PCNX2: variants seen among roughly 807,000 people sequenced by gnomAD.
PCNX2 encodes pecanex 2.
In PCNX2, 168 loss-of-function variants were observed where a neutral mutation model predicts 223.8. That is an observed-to-expected ratio of 0.75 (90% CI 0.66 to 0.85). PCNX2 has a LOEUF of 0.85. Among genes scored for constraint, PCNX2 ranks in the 40% least tolerant of loss-of-function variants. The pLI is 0.00. For synonymous variants in PCNX2, 1,006 were observed against 1,052.6 expected, an observed-to-expected ratio of 0.96 and a Z score of 0.86; for missense variants, 2,507 against 2,675.5, an observed-to-expected ratio of 0.94 and a Z score of 1.39.
chr1:233,219,066 G>C (rs1657208078), intron 10 of PCNX2, among the ~76,000 whole-genome samples: 1 of 152,062 alleles, frequency 6.6e-6, no homozygotes, highest in South Asian at 2.1e-4. Flanking sequence ...GGTGACTCTT[G>C]TATGGACTCC....
In PCNX2 at chr1:232,999,362, G is replaced by A; in HGVS notation, c.5346C>T (p.Val1782=). 1 of 1,595,914 alleles carries A rather than the reference G, an allele frequency of 6.3e-7. No homozygotes were observed. The highest frequency in any genetic ancestry group is 8.5e-7 in the Non-Finnish European group (1 of 1,171,358). The change falls in exon 31 of 34, where the codon GTC becomes GTT. Residue 1782 remains valine, a synonymous_variant. Coordinates refer to ENST00000258229, the MANE Select transcript of PCNX2 (RefSeq NM_014801.4). ...FKVIKVNKEC[V]RGLWAGQQQE... is the part of the protein sequence containing the mutation. ...GCTGCTGCCCGGCCCAAAGTCCTCGGACGCATTCTTTGTTAACCTGCAGGT... is the reference window on the plus strand; with the variant it reads ...GCTGCTGCCCGGCCCAAAGTCCTCGAACGCATTCTTTGTTAACCTGCAGGT...
At chr1:233,177,742 C>T in intron 17 of PCNX2, 60 bp downstream of exon 17, 1 of 1,423,648 alleles carries the variant, frequency 7.0e-7, no homozygotes, top group Non-Finnish European at 9.9e-7. Flanking sequence ...CATTGAGAGC[C>T]TGATCTCTGC....
intron 1 of PCNX2, among the ~76,000 whole-genome samples, chr1:233,290,284 C>T (rs1661687781): frequency 1.3e-5 from 2 of 152,070 alleles, no homozygotes; most frequent in Admixed American, 6.5e-5. Context: ...ATTTATTATG[C>T]AAGGTGAAAT....
intron 19 of PCNX2, among the ~76,000 whole-genome samples, chr1:233,141,934 C>G (rs570210990): frequency 5.9e-5 from 9 of 151,842 alleles, no homozygotes; most frequent in African/African-American, 2.2e-4. Flanking sequence ...ACAAACACTC[C>G]AACAATGAGC....
intron 32 of PCNX2, among the ~76,000 whole-genome samples, chr1:232,996,621 T>G (rs931067560): frequency 6.6e-6 from 1 of 152,188 alleles, no homozygotes; most frequent in African/African-American, 2.4e-5. Flanking sequence ...CTTTCTGTCC[T>G]CTATCAATCA....
At chr1:233,042,021 G>A (rs1314404075) in intron 25 of PCNX2, among the ~76,000 whole-genome samples, 1 of 152,158 alleles carries the variant, frequency 6.6e-6, no homozygotes, top group Non-Finnish European at 1.5e-5. Flanking sequence ...AAACATAGAT[G>A]CATTTTGTGT....
At chr1:233,279,060 C>A (rs916145704) in intron 1 of PCNX2, among the ~76,000 whole-genome samples, 1 of 152,072 alleles carries the variant, frequency 6.6e-6, no homozygotes, top group African/African-American at 2.4e-5. Flanking sequence ...CCAAAGAGCT[C>A]TAGTTTCTTT....
intron 23 of PCNX2, among the ~76,000 whole-genome samples, chr1:233,066,093 G>C (rs1462545917): frequency 1.3e-5 from 2 of 152,164 alleles, no homozygotes; most frequent in Non-Finnish European, 2.9e-5. Flanking sequence ...TGGGTAGGGG[G>C]TACCCACTTA....
intron 17 of PCNX2, among the ~76,000 whole-genome samples, chr1:233,173,827 G>T (rs1475650443): frequency 1.3e-5 from 2 of 151,708 alleles, no homozygotes; most frequent in Non-Finnish European, 2.9e-5. Flanking sequence ...TTGTGAGTTG[G>T]ATCACATTTT....
intron 15 of PCNX2, among the ~76,000 whole-genome samples, chr1:233,198,091 CCACCTA>C (rs71823234): frequency 0.07 from 10,596 of 152,178 alleles, 603 homozygotes; most frequent in East Asian, 0.31. Context: ...AGTGGTCTCC[CCACCTA>C]CACAAACCCC....
intron 1 of PCNX2, among the ~76,000 whole-genome samples, chr1:233,283,863 C>T (rs114864664): frequency 0.01 from 1,537 of 152,230 alleles, 14 homozygotes; most frequent in South Asian, 0.027. Context: ...TAAAGAGTTT[C>T]CAGGTTTCAC....
chr1:233,243,456 A>G (rs923618534), intron 8 of PCNX2, among the ~76,000 whole-genome samples: 4 of 152,218 alleles, frequency 2.6e-5, no homozygotes, highest in Admixed American at 1.3e-4. Flanking sequence ...TGTAATAGAA[A>G]ACTTAAAATC....
intron 21 of PCNX2, chr1:233,134,730 A>C (rs145931618): frequency 2.3e-5 from 11 of 478,058 alleles, no homozygotes; most frequent in African/African-American, 4.0e-5. Flanking sequence ...ATCTAGGGAA[A>C]TCTTACAATG....
At chr1:233,049,583 C>G (rs1248874559) in intron 25 of PCNX2, among the ~76,000 whole-genome samples, 1 of 152,114 alleles carries the variant, frequency 6.6e-6, no homozygotes, top group Non-Finnish European at 1.5e-5. Context: ...CACTCCTATT[C>G]AACATAGTAC....
At chr1:233,302,247 T>C in the PCNX2 span, among the ~76,000 whole-genome samples, 1 of 152,218 alleles carries the variant, frequency 6.6e-6, no homozygotes, top group Admixed American at 6.5e-5. Context: ...TCTAATTGAT[T>C]TTTTTACTTC....
At chr1:233,212,689 G>A (rs2102919048) in intron 12 of PCNX2, among the ~76,000 whole-genome samples, 1 of 152,348 alleles carries the variant, frequency 6.6e-6, no homozygotes, top group East Asian at 1.9e-4. Context: ...AGCAGTAAGA[G>A]TGGTGACCTA....
chr1:233,054,145 C>T, intron 25 of PCNX2, 123 bp downstream of exon 25: 1 of 804,140 alleles, frequency 1.2e-6, no homozygotes, highest in Non-Finnish European at 2.0e-6. Context: ...TGGTGGCAAG[C>T]TCACTTTCAG....
chr1:233,319,872 AT>A, the PCNX2 span, among the ~76,000 whole-genome samples: 1 of 152,246 alleles, frequency 6.6e-6, no homozygotes, highest in Non-Finnish European at 1.5e-5. Flanking sequence ...AACATTAATA[AT>A]TCCATTACAT....
chr1:233,164,222 A>T (rs1269028112), intron 17 of PCNX2, among the ~76,000 whole-genome samples: 1 of 152,190 alleles, frequency 6.6e-6, no homozygotes, highest in Non-Finnish European at 1.5e-5. Flanking sequence ...AATCATCAGG[A>T]AAATGCAAAT....
Sources: gnomAD v4.1 joint callset for allele counts (sites outside exome capture counted in the v4.1 genomes callset) on GRCh38, gnomAD v4.1.1 for gene constraint, MANE v1.5 for transcripts, NCBI Gene and HGNC (gene_info 2026-07-23, HGNC 2026-07-21) for gene names.